The following STK36 variants were observed in gnomAD, a reference collection of about 807,000 sequenced individuals.
STK36 encodes serine/threonine kinase 36, also known as serine/threonine-protein kinase 36.
STK36 carries 116 observed loss-of-function variants against 142.2 expected under a neutral mutation model. That is an observed-to-expected ratio of 0.82 (90% CI 0.70 to 0.95). The LOEUF is 0.95. STK36 is among the 40% of genes least tolerant of loss of function. The pLI is 0.00. For synonymous variants in STK36, 619 were observed against 641.7 expected, an observed-to-expected ratio of 0.96 and a Z score of 0.53; for missense variants, 1,422 against 1,617.2, an observed-to-expected ratio of 0.88 and a Z score of 2.07.
At chr2:218,690,601 C>T (rs370812953) in intron 14 of STK36, 46 bp downstream of exon 14, 23 of 1,441,002 alleles carry the variant, frequency 1.6e-5, no homozygotes, top group Admixed American at 3.4e-5. Context: ...TATCATTCTC[C>T]GTGTTTCTCC....
chr2:218,700,511 C>G lies in STK36; in HGVS notation c.3804+1163C>G, dbSNP rs146285825. Among the ~76,000 whole-genome samples, 378 of 152,062 alleles carry G rather than the reference C, an allele frequency of 2.5e-3. 2 individuals carry two copies. The highest frequency in any genetic ancestry group is 8.6e-3 in the African/African-American group (357 of 41,526). The stretch of plus-strand genomic sequence containing the variant: ...CTGCCTCCCAGGTTCAAGTGATTCT[C>G]CTGTCTCAGCCTCCCAAGTAGCTGG... On this transcript the variant is annotated intron_variant, in intron 26 of 26. Coordinates refer to ENST00000295709, the MANE Select transcript of STK36 (RefSeq NM_015690.5).
Position 218,693,255 on chromosome 2 carries a change from G to A in STK36, c.2059G>A (p.Ala687Thr), listed in dbSNP as rs754153384. ...DAKEQVCWHLANQLTEDSSQL... is the reference protein window; with the variant it reads ...DAKEQVCWHLTNQLTEDSSQL... ...GTCTCTATAGGTCTGTTGGCATTTG[G>A]CAAATCAGCTAACTGAAGACAGCAG... Residue 687 changes from alanine (A) to threonine (T), a missense_variant, in exon 17 of 27, where the codon GCA becomes ACA. Physicochemically the swap from Ala to Thr is moderately conservative, Grantham distance 58. Transcript: ENST00000295709. The A allele has an allele frequency of 5.6e-6, 9 of 1,614,166 alleles. 1 individual carries two copies. The highest frequency in any genetic ancestry group is 5.0e-5 in the Admixed American group (3 of 60,024).
chr2:218,693,561 T>C (rs1941097178), intron 17 of STK36, among the ~76,000 whole-genome samples, 162 bp from the exon 18 acceptor site: 1 of 152,152 alleles, frequency 6.6e-6, no homozygotes, highest in African/African-American at 2.4e-5. Context: ...GAAGGGTCCC[T>C]GTCTCACTAT....
Position 218,694,452 on chromosome 2 carries a change from A to G in STK36, c.2401-73A>G. On this transcript the variant is annotated intron_variant, in intron 20 of 26. Transcript: ENST00000295709. The surrounding 1 kb of genome is among the most constrained non-coding windows in gnomAD (Gnocchi z 4.4). Reference sequence around the variant, plus strand: ...CATTCTTTTGGACCAGGACAGAGACATAAATCCTCTCTGCCTGTCCTGAAT... The same window carrying G: ...CATTCTTTTGGACCAGGACAGAGACGTAAATCCTCTCTGCCTGTCCTGAAT... 6.5e-7 allele frequency: 1 copy of G among 1,541,912 alleles called. No individual in the cohort carries two copies. Among genetic ancestry groups the G allele is most frequent in the Non-Finnish European group, 9.0e-7 (1 of 1,114,764 alleles).
chr2:218,694,722 C>G lies in STK36; in HGVS notation c.2511+87C>G. 8.5e-7 allele frequency: 1 copy of G among 1,178,570 alleles called. No homozygotes were observed. The highest frequency in any genetic ancestry group is 1.2e-6 in the Non-Finnish European group (1 of 802,844). 73.0% of individuals were successfully genotyped at this position (1,178,570 alleles called of 1,614,324 possible). A position where few individuals can be genotyped will look rare whatever the true frequency, so the allele number is the denominator to read the frequency against. On this transcript the variant is annotated intron_variant, in intron 21 of 26. Transcript: ENST00000295709. The surrounding 1 kb of genome is among the most constrained non-coding windows in gnomAD (Gnocchi z 4.4). ...CAAGGGGAAAAGACTGAAATGCCAG[C>G]AAGCCTGGAGTAAACTGAGGAATGG... is the stretch of plus-strand genomic sequence containing the variant.
rs1374257456 is a variant in STK36 at position 218,673,831 on chromosome 2, A to G, written c.226-48A>G. On this transcript the variant is annotated intron_variant, in intron 3 of 26. Coordinates refer to ENST00000295709, the MANE Select transcript of STK36 (RefSeq NM_015690.5). ...AGGGTTCCAGGAATTTCCCAACCTC[A>G]GAATGCATGAATCTGGAGCCATCAG... is the stretch of plus-strand genomic sequence containing the variant. The G allele has an allele frequency of 3.7e-6, 6 of 1,614,024 alleles. No individual in the cohort carries two copies. In the African/African-American group the frequency reaches 6.7e-5, roughly 18 times the overall value.
intron 11 of STK36, among the ~76,000 whole-genome samples, chr2:218,685,555 T>C (rs1156631495): frequency 2.6e-5 from 4 of 152,372 alleles, no homozygotes; most frequent in Middle Eastern, 6.8e-3. Flanking sequence ...TTTCACTAAT[T>C]TTTTATTGAT....
Position 218,675,462 on chromosome 2 carries a change from C to T in STK36, c.423C>T (p.Leu141=). Residue 141 remains leucine (L), a synonymous_variant, in exon 5 of 27, where the codon CTC becomes CTT. Coordinates refer to ENST00000295709, the MANE Select transcript of STK36 (RefSeq NM_015690.5). ...TCGCCAAGGGTGGTGGCATCAAGCT[C>T]TGTGACTTTGGGTAAAGATTCTGAG... ...ILLAKGGGIK[L]CDFGFARAMS... is the part of the protein sequence containing the mutation. 6.2e-7 allele frequency: 1 copy of T among 1,607,938 alleles called. No homozygotes were observed. The highest frequency in any genetic ancestry group is 8.5e-7 in the Non-Finnish European group (1 of 1,176,610).
At chr2:218,700,403 TTTAC>T (rs1045472855) in intron 26 of STK36, among the ~76,000 whole-genome samples, 6 of 151,614 alleles carry the variant, frequency 4.0e-5, no homozygotes, top group African/African-American at 2.4e-5. Flanking sequence ...TATTTATTTA[TTTAC>T]TTATTTATTT....
chr2:218,697,946 T>A lies in STK36; in HGVS notation c.3002T>A (p.Leu1001His). 5.6e-6 allele frequency: 9 copies of A among 1,614,186 alleles called. No homozygotes were observed. Among genetic ancestry groups the A allele is most frequent in the Non-Finnish European group, 7.6e-6 (9 of 1,180,034 alleles). The change falls in exon 25 of 27, where the codon CTT becomes CAT. Residue 1001 changes from leucine to histidine, a missense_variant. By Grantham distance (99) the Leu-to-His change is moderately conservative. Coordinates refer to ENST00000295709, the MANE Select transcript of STK36 (RefSeq NM_015690.5). ...GCGCTGGACATGGATGCTGACCTCC[T>A]TATAGGTGTCTTGGCCGACCTCAGG... is the stretch of plus-strand genomic sequence containing the variant. ...PFALDMDADL[L>H]IGVLADLRDS...
intron 21 of STK36, among the ~76,000 whole-genome samples, chr2:218,695,547 T>C (rs554813599): frequency 1.5e-4 from 21 of 143,924 alleles, no homozygotes; most frequent in African/African-American, 3.9e-4. Flanking sequence ...TTTTTTTTTT[T>C]TTTTGAGACG....
At chr2:218,684,740 C>T (rs1249914939) in intron 10 of STK36, 3 of 178,918 alleles carry the variant, frequency 1.7e-5, no homozygotes, top group Non-Finnish European at 3.5e-5. Flanking sequence ...TTTTAATAAC[C>T]TCATCGTATT....
At chr2:218,685,042 C>G in intron 10 of STK36, 43 bp from the exon 11 acceptor site, 1 of 1,611,976 alleles carries the variant, frequency 6.2e-7, no homozygotes, top group Non-Finnish European at 8.5e-7. Flanking sequence ...CTACCTTAGA[C>G]TTACACACTA....
At position 218,701,850 on chromosome 2, in the gene STK36, G is replaced by T. The variant is rs117492855; in HGVS notation, c.3805-16G>T. The T allele has an allele frequency of 7.4e-4, 1,195 of 1,613,704 alleles. 10 individuals are homozygous for T. In the East Asian group the frequency reaches 0.023, roughly 31 times the overall value. ...AGCCTCATGTTCTGTTCTATCATCT[G>T]TTCTCTATCCTACAGGTACTGGTGT... On this transcript the variant is annotated splice_polypyrimidine_tract_variant and intron_variant, in intron 26 of 26. Transcript: ENST00000295709.
intron 24 of STK36, 83 bp from the exon 25 acceptor site, chr2:218,697,771 G>C: frequency 6.2e-7 from 1 of 1,603,916 alleles, no homozygotes. Flanking sequence ...AAGGGGAGTT[G>C]GGCAAAGGAA....
intron 22 of STK36, 142 bp from the exon 23 acceptor site, chr2:218,696,897 G>A (rs749070538): frequency 1.7e-5 from 21 of 1,228,512 alleles, no homozygotes; most frequent in East Asian, 4.6e-5. Context: ...GAAATAAGAC[G>A]ACAGGGAAAT....
At position 218,697,030 on chromosome 2, in the gene STK36, T is replaced by C. The variant is rs777012339; in HGVS notation, c.2587-9T>C. 6.2e-6 allele frequency: 10 copies of C among 1,613,380 alleles called. No homozygotes were observed. The highest frequency in any genetic ancestry group is 1.1e-5 in the South Asian group (1 of 90,982). The stretch of plus-strand genomic sequence containing the variant: ...CTTTCCCCCCGCCCTCTTTCACTTT[T>C]ATCTCTAGCAGGGGAAGGCTAGCCT... On this transcript the variant is annotated splice_polypyrimidine_tract_variant and intron_variant, in intron 22 of 26. Coordinates refer to ENST00000295709, the MANE Select transcript of STK36 (RefSeq NM_015690.5).
In STK36 at chr2:218,697,169, G is replaced by C. The variant is rs375090724; in HGVS notation, c.2717G>C (p.Ser906Thr). The change falls in exon 23 of 27, where the codon AGT becomes ACT. Residue 906 changes from serine to threonine, a missense_variant. Coordinates refer to ENST00000295709, the MANE Select transcript of STK36 (RefSeq NM_015690.5). ...SAQEGELSLS[S>T]PPSPEPDWTL... ...CAGGAAGGGGAGCTTTCGCTATCCAGTCCACCAAGCCCTGAGCCAGACTGG... is the reference window on the plus strand; with the variant it reads ...CAGGAAGGGGAGCTTTCGCTATCCACTCCACCAAGCCCTGAGCCAGACTGG... 2.2e-4 allele frequency: 351 copies of C among 1,614,118 alleles called. 1 individual carries two copies. Among genetic ancestry groups the C allele is most frequent in the South Asian group, 2.0e-3 (185 of 91,068 alleles).
Position 218,702,553 on chromosome 2 carries a change from GTGTGTGTGTA to G in STK36, c.*554_*563del, listed in dbSNP as rs1941480218. The G allele has an allele frequency of 6.6e-6, 1 of 152,558 alleles. No individual in the cohort carries two copies. The highest frequency in any genetic ancestry group is 2.1e-4 in the South Asian group (1 of 4,842). 9.5% of individuals were successfully genotyped at this position (152,558 alleles called of 1,614,324 possible). On this transcript the variant is annotated 3_prime_UTR_variant, in exon 27 of 27. Coordinates refer to ENST00000295709, the MANE Select transcript of STK36 (RefSeq NM_015690.5). ...CTTTTTTTGGGGTGTGTGTGTATAT[GTGTGTGTGTA>G]TGTGTGTGTGTGTTTAATAGTTCTG...
Sources: allele counts gnomAD v4.1 joint callset (sites outside exome capture counted in the v4.1 genomes callset), GRCh38; gene constraint gnomAD v4.1.1; non-coding constraint Gnocchi (gnomAD v3.1); transcripts MANE v1.5; gene names NCBI Gene and HGNC (gene_info 2026-07-23, HGNC 2026-07-21).